The following UTS2 variants were observed in gnomAD, a reference collection of about 807,000 sequenced individuals.
UTS2 encodes urotensin 2, also known as urotensin-2.
In UTS2, 10 loss-of-function variants were observed where a neutral mutation model predicts 12.6. The observed-to-expected ratio is 0.80, with a 90% CI of 0.49 to 1.35. The LOEUF (loss-of-function observed/expected upper bound fraction) is 1.35. UTS2 is among the 40% of genes most tolerant of loss of function. UTS2 has a pLI of 0.00. For missense variants in UTS2, 142 were observed against 143.2 expected, an observed-to-expected ratio of 0.99 and a Z score of 0.04; for synonymous variants, 52 against 50.0, an observed-to-expected ratio of 1.04 and a Z score of -0.17.
chr1:7,862,520 C>A, the UTS2 span, among the ~76,000 whole-genome samples: 1 of 152,040 alleles, frequency 6.6e-6, no homozygotes. Flanking sequence ...TTATTTGGCT[C>A]ACAGTTCTGC....
chr1:7,913,146 C>G, the UTS2 span, among the ~76,000 whole-genome samples: 1 of 151,948 alleles, frequency 6.6e-6, no homozygotes, highest in Non-Finnish European at 1.5e-5. Context: ...CTCCCTCCCA[C>G]CAAGAGACGT....
the UTS2 span, among the ~76,000 whole-genome samples, chr1:7,908,480 AG>A: frequency 7.6e-4 from 113 of 148,650 alleles, 1 homozygote; most frequent in Middle Eastern, 3.4e-3. Flanking sequence ...AAAAAAAAAA[AG>A]GGATCATGAC....
At chr1:7,851,192 G>A (rs1392327321) in intron 1 of UTS2, among the ~76,000 whole-genome samples, 1 of 152,186 alleles carries the variant, frequency 6.6e-6, no homozygotes, top group Non-Finnish European at 1.5e-5. Context: ...AAGAGCTGAG[G>A]GATAAGCCAC....
the UTS2 span, among the ~76,000 whole-genome samples, chr1:7,883,968 C>T: frequency 1.3e-5 from 2 of 152,074 alleles, no homozygotes; most frequent in Non-Finnish European, 2.9e-5. Flanking sequence ...GCATGTGCCA[C>T]CACGCCCAGC....
At chr1:7,857,143 G>GGAAGGAAGGAAGGAAC (rs766960072), upstream of UTS2, among the ~76,000 whole-genome samples, 140 of 151,626 alleles carry the variant, frequency 9.2e-4, 2 homozygotes, top group Middle Eastern at 3.4e-3. Flanking sequence ...AAGGAAGGAA[G>GGAAGGAAGGAAGGAAC]GTGAAGCATG....
chr1:7,898,228 A>G, the UTS2 span, among the ~76,000 whole-genome samples: 1 of 152,100 alleles, frequency 6.6e-6, no homozygotes, highest in African/African-American at 2.4e-5. Context: ...TTTTGTCCAA[A>G]CCTGTGGCTG....
At chr1:7,880,275 TA>T in the UTS2 span, among the ~76,000 whole-genome samples, 9 of 151,498 alleles carry the variant, frequency 5.9e-5, no homozygotes, top group East Asian at 1.7e-3. Context: ...TAAAATAAAA[TA>T]AAAATTTAAA....
chr1:7,906,922 T>G, the UTS2 span, among the ~76,000 whole-genome samples: 2 of 152,142 alleles, frequency 1.3e-5, no homozygotes, highest in Non-Finnish European at 2.9e-5. Flanking sequence ...CATACGATCA[T>G]TATTAGCCTT....
upstream of UTS2, chr1:7,853,611 G>A (rs1227461301): frequency 2.7e-6 from 2 of 727,734 alleles, no homozygotes; most frequent in Non-Finnish European, 4.3e-6. Flanking sequence ...CATACACGTG[G>A]CCTCATGTGA....
chr1:7,864,361 T>C, the UTS2 span, among the ~76,000 whole-genome samples: 1 of 151,980 alleles, frequency 6.6e-6, no homozygotes, highest in Non-Finnish European at 1.5e-5. Flanking sequence ...CTCTCCGACC[T>C]TCCCCCTCTC....
chr1:7,848,496 G>A (rs985944440), intron 3 of UTS2, among the ~76,000 whole-genome samples: 2 of 141,182 alleles, frequency 1.4e-5, no homozygotes, highest in African/African-American at 5.1e-5. Context: ...TCTGTGTATT[G>A]TATGTATTGT....
At chr1:7,912,334 G>A in the UTS2 span, among the ~76,000 whole-genome samples, 9 of 152,138 alleles carry the variant, frequency 5.9e-5, no homozygotes, top group Non-Finnish European at 1.2e-4. Context: ...CAGCTGTATC[G>A]ACTAATGAGG....
upstream of UTS2, chr1:7,853,585 T>C: frequency 9.4e-7 from 1 of 1,062,402 alleles, no homozygotes; most frequent in Non-Finnish European, 1.3e-6. Context: ...TGCTCCAGGC[T>C]CAAGACAATT....
chr1:7,876,971 A>C, the UTS2 span, among the ~76,000 whole-genome samples: 1 of 151,878 alleles, frequency 6.6e-6, no homozygotes, highest in Non-Finnish European at 1.5e-5. Flanking sequence ...CTCTACTAAA[A>C]ATACAAAAAT....
chr1:7,896,626 C>T, the UTS2 span, among the ~76,000 whole-genome samples: 2 of 151,916 alleles, frequency 1.3e-5, no homozygotes, highest in Non-Finnish European at 2.9e-5. Context: ...ATAAGATTTT[C>T]TGTGCCAGAT....
chr1:7,851,242 C>T (rs3753500), intron 1 of UTS2, among the ~76,000 whole-genome samples: 19,750 of 152,156 alleles, frequency 0.13, 2,576 homozygotes, highest in East Asian at 0.57. Flanking sequence ...AAGTCTGACT[C>T]TCCCTCATTT....
At chr1:7,887,161 A>G in the UTS2 span, among the ~76,000 whole-genome samples, 1 of 150,514 alleles carries the variant, frequency 6.6e-6, no homozygotes, top group Non-Finnish European at 1.5e-5. Context: ...TGTGGGGGAC[A>G]TGGACCATGA....
At chr1:7,894,132 C>CT in the UTS2 span, among the ~76,000 whole-genome samples, 1,789 of 144,650 alleles carry the variant, frequency 0.012, 28 homozygotes, top group African/African-American at 0.038. Context: ...TCTCTGATTT[C>CT]TTTTTTTTTT....
At chr1:7,862,132 C>T in the UTS2 span, among the ~76,000 whole-genome samples, 1 of 151,892 alleles carries the variant, frequency 6.6e-6, no homozygotes, top group South Asian at 2.1e-4. Context: ...AGGCTGGTCT[C>T]GAACTCCTGA....
Sources: gnomAD v4.1 joint callset for allele counts (sites outside exome capture counted in the v4.1 genomes callset) on GRCh38, gnomAD v4.1.1 for gene constraint, MANE v1.5 for transcripts, NCBI Gene and HGNC (gene_info 2026-07-23, HGNC 2026-07-21) for gene names.